Variants in HMCN1 observed in about 807,000 individuals in gnomAD.
HMCN1 encodes hemicentin-1.
Under a neutral mutation model 625.9 loss-of-function variants are expected in HMCN1, and 321 were observed. The ratio of observed to expected loss-of-function variants is 0.51; its 90% CI spans 0.47 to 0.56. HMCN1 has a LOEUF of 0.56. Among genes scored for constraint, HMCN1 ranks in the 20% least tolerant of loss-of-function variants. The pLI is 0.00. For missense variants in HMCN1, 6,588 were observed against 6,887.3 expected, an observed-to-expected ratio of 0.96 and a Z score of 1.54; for synonymous variants, 2,425 against 2,417.6, an observed-to-expected ratio of 1.00 and a Z score of -0.09.
chr1:186,037,362 A>T (rs1655901779), intron 36 of HMCN1, among the ~76,000 whole-genome samples: 1 of 152,172 alleles, frequency 6.6e-6, no homozygotes, highest in South Asian at 2.1e-4. Flanking sequence ...AAGTACATTA[A>T]ATAACAGATC....
In HMCN1 at chr1:186,128,025, T is replaced by C. The variant is rs192366822; in HGVS notation, c.12691-53T>C. 17 of 1,463,968 alleles carry C rather than the reference T, an allele frequency of 1.2e-5. No homozygotes were observed. The East Asian group carries it at 3.5e-4, about 30-fold the overall frequency. The allele number at this position is 1,463,968 out of a possible 1,614,324, so 90.7% of individuals were successfully genotyped here. A position where few individuals can be genotyped will look rare whatever the true frequency, so the allele number is the denominator to read the frequency against. ...TAGCTATGCAATTTGATGTATTTTA[T>C]GTACTATGATGGATGATTATGAAAT... On this transcript the variant is annotated intron_variant, in intron 82 of 106. Transcript: ENST00000271588.
chr1:185,845,058 T>C (rs1428777700), intron 1 of HMCN1, among the ~76,000 whole-genome samples: 2 of 152,170 alleles, frequency 1.3e-5, no homozygotes. Context: ...ATCTGGGCGG[T>C]TGTGAGGATG....
At chr1:186,163,771 C>G (rs890663212) in intron 97 of HMCN1, among the ~76,000 whole-genome samples, 1 of 152,186 alleles carries the variant, frequency 6.6e-6, no homozygotes, top group African/African-American at 2.4e-5. Flanking sequence ...TCTTGCAAGA[C>G]TGTCTCATAC....
intron 1 of HMCN1, among the ~76,000 whole-genome samples, chr1:185,775,001 A>G (rs1183771158): frequency 6.6e-6 from 1 of 151,940 alleles, no homozygotes; most frequent in African/African-American, 2.4e-5. Context: ...CTCCTGTGTC[A>G]CTAATTCACA....
intron 52 of HMCN1, among the ~76,000 whole-genome samples, chr1:186,073,957 T>C (rs1418053846): frequency 6.6e-6 from 1 of 151,644 alleles, no homozygotes; most frequent in Non-Finnish European, 1.5e-5. Flanking sequence ...GACAAGAAAA[T>C]TAAAAGAAGG....
At chr1:185,996,256 A>G (rs1183823394) in intron 24 of HMCN1, among the ~76,000 whole-genome samples, 1 of 152,126 alleles carries the variant, frequency 6.6e-6, no homozygotes, top group Non-Finnish European at 1.5e-5. Context: ...AAGGGTAGGT[A>G]GAAGTGAGGG....
chr1:186,035,062 G>C (rs760227700), intron 36 of HMCN1, among the ~76,000 whole-genome samples: 1 of 152,230 alleles, frequency 6.6e-6, no homozygotes, highest in East Asian at 1.9e-4. Context: ...TATTTAAAAA[G>C]CTGTTTTGTA....
chr1:185,813,679 C>G (rs1397440427), intron 1 of HMCN1, among the ~76,000 whole-genome samples: 1 of 152,076 alleles, frequency 6.6e-6, no homozygotes, highest in Non-Finnish European at 1.5e-5. Context: ...TTTTACATAT[C>G]GTGGTATTAA....
intron 68 of HMCN1, among the ~76,000 whole-genome samples, chr1:186,101,645 C>T (rs1021132795): frequency 1.3e-5 from 2 of 151,906 alleles, no homozygotes; most frequent in African/African-American, 4.8e-5. Flanking sequence ...AAGATCTGGA[C>T]AGTCTGGGGT....
intron 82 of HMCN1, 138 bp downstream of exon 82, chr1:186,125,932 T>G (rs1661620393): frequency 1.5e-6 from 1 of 657,826 alleles, no homozygotes; most frequent in Non-Finnish European, 2.6e-6. Flanking sequence ...AAAATTAATT[T>G]TACACGTATT....
chr1:186,168,430 T>A (rs968041083), intron 100 of HMCN1, among the ~76,000 whole-genome samples: 1 of 149,862 alleles, frequency 6.7e-6, no homozygotes, highest in Non-Finnish European at 1.5e-5. Flanking sequence ...TCCAGCCTGG[T>A]GACAGAGACT....
At position 186,086,247 on chromosome 1, in the gene HMCN1, T is replaced by A. The variant is rs1292271042; in HGVS notation, c.8886T>A (p.Val2962=). 6.2e-7 allele frequency: 1 copy of A among 1,609,444 alleles called. No individual in the cohort carries two copies. Among genetic ancestry groups the A allele is most frequent in the Non-Finnish European group, 8.5e-7 (1 of 1,176,126 alleles). ...CTTTTAATATATTTACTATTATAGT[T>A]CCTCCAAGTGTCATTGGTCCTAAAT... The part of the protein sequence containing the change: ...AKKYFNLNVH[V]PPSVIGPKSE... The change falls in exon 58 of 107, where the codon GTT becomes GTA. Residue 2962 remains valine (V), a splice_region_variant and synonymous_variant. Transcript: ENST00000271588.
chr1:186,017,781 AT>A (rs1245236194), intron 33 of HMCN1, among the ~76,000 whole-genome samples: 1 of 151,930 alleles, frequency 6.6e-6, no homozygotes, highest in Non-Finnish European at 1.5e-5. Flanking sequence ...AATTTTTCTA[AT>A]TTTTAATTTT....
At position 186,087,340 on chromosome 1, in the gene HMCN1, T is replaced by C; in HGVS notation, c.9160+10T>C. 1.2e-6 allele frequency: 2 copies of C among 1,606,728 alleles called. No homozygotes were observed. The highest frequency in any genetic ancestry group is 1.7e-6 in the Non-Finnish European group (2 of 1,173,564). On this transcript the variant is annotated intron_variant, in intron 59 of 106. Transcript: ENST00000271588. The stretch of plus-strand genomic sequence containing the variant: ...TCCCTGACTGTTTATGGTTCGTTTT[T>C]ACTCTCTTCATAAAATTCTTTTATT...
Position 186,018,253 on chromosome 1 carries a change from G to T in HMCN1, c.5371G>T (p.Val1791Phe), listed in dbSNP as rs1654491341. ...GATTTTATTAAATGGACGCAAACTG[G>T]TTATTGCTCAGGCTCAAGTGTCAAA... ...FKILLNGRKL[V>F]IAQAQVSNTG... Residue 1791 changes from valine to phenylalanine, a missense_variant, in exon 34 of 107, where the codon GTT (valine) becomes TTT (phenylalanine). Coordinates refer to ENST00000271588, the MANE Select transcript of HMCN1 (RefSeq NM_031935.3). The T allele has an allele frequency of 1.2e-6, 2 of 1,612,740 alleles. No individual in the cohort carries two copies. The highest frequency in any genetic ancestry group is 1.7e-6 in the Non-Finnish European group (2 of 1,179,072).
rs776299656 is a variant in HMCN1, at chr1:186,187,912, C to T, written c.16444C>T (p.His5482Tyr). 2.5e-6 allele frequency: 4 copies of T among 1,613,652 alleles called. No homozygotes were observed. In the South Asian group the frequency reaches 4.4e-5, roughly 18 times the overall value. Residue 5482 changes from histidine to tyrosine, a missense_variant, in exon 106 of 107, where the codon CAC (histidine) becomes TAC (tyrosine). His to Tyr is a moderately conservative substitution (Grantham distance 83, BLOSUM62 2). Coordinates refer to ENST00000271588, the MANE Select transcript of HMCN1 (RefSeq NM_031935.3). ...DIDECLEQNV[H>Y]CGPNRMCFNM... is the part of the protein sequence containing the mutation. ...CGATGAATGTCTGGAGCAGAATGTGCACTGTGGACCCAATCGCATGTGCTT... is the reference window on the plus strand; with the variant it reads ...CGATGAATGTCTGGAGCAGAATGTGTACTGTGGACCCAATCGCATGTGCTT...
At chr1:185,793,066 A>G (rs1658112062) in intron 1 of HMCN1, among the ~76,000 whole-genome samples, 1 of 152,172 alleles carries the variant, frequency 6.6e-6, no homozygotes, top group Non-Finnish European at 1.5e-5. Context: ...TTTTGTGTAG[A>G]TACATTTAGG....
At chr1:185,932,987 T>G (rs1388589157) in intron 10 of HMCN1, among the ~76,000 whole-genome samples, 1 of 152,156 alleles carries the variant, frequency 6.6e-6, no homozygotes, top group Non-Finnish European at 1.5e-5. Flanking sequence ...GCTCTATGTG[T>G]ACAATTTTAT....
intron 54 of HMCN1, among the ~76,000 whole-genome samples, chr1:186,077,781 G>T (rs868817781): frequency 5.3e-5 from 8 of 152,108 alleles, no homozygotes; most frequent in Non-Finnish European, 1.0e-4. Context: ...TATTAAAAGT[G>T]TTCAAAACTA....
Sources: gnomAD v4.1 joint callset for allele counts (sites outside exome capture counted in the v4.1 genomes callset) on GRCh38, gnomAD v4.1.1 for gene constraint, MANE v1.5 for transcripts, NCBI Gene and HGNC (gene_info 2026-07-23, HGNC 2026-07-21) for gene names.